The following CUX1 variants were observed in gnomAD, a reference collection of about 807,000 sequenced individuals.
CUX1 encodes the protein protein CASP.
A neutral mutation model predicts 158.8 loss-of-function variants in CUX1; 31 were observed. That is an observed-to-expected ratio of 0.20 (90% CI 0.15 to 0.26). The LOEUF is 0.26. Ranked by LOEUF, CUX1 falls within the 10% of genes least tolerant of loss-of-function variation. The pLI, the probability that CUX1 is intolerant of heterozygous loss-of-function variation, is 1.00. For synonymous variants in CUX1, 879 were observed against 862.1 expected, an observed-to-expected ratio of 1.02 and a Z score of -0.34; for missense variants, 1,589 against 2,014.6, an observed-to-expected ratio of 0.79 and a Z score of 4.04.
chr7:101,882,392 G>A (rs999376447), intron 1 of CUX1, among the ~76,000 whole-genome samples: 3 of 152,056 alleles, frequency 2.0e-5, no homozygotes, highest in Non-Finnish European at 4.4e-5. Context: ...GTTGGCAAAA[G>A]TGTCTCTTCA....
At chr7:102,020,881 GA>G (rs398067126) in intron 2 of CUX1, among the ~76,000 whole-genome samples, 1,385 of 130,458 alleles carry the variant, frequency 0.011, 8 homozygotes, top group African/African-American at 0.026. Context: ...ACTCGGTTTG[GA>G]AAAAAAAAAA....
intron 2 of CUX1, among the ~76,000 whole-genome samples, chr7:101,987,609 G>T (rs562461227): frequency 4.6e-5 from 7 of 152,224 alleles, no homozygotes; most frequent in African/African-American, 1.7e-4. Context: ...CTGACTCACC[G>T]CCTGTTCTCC....
intron 3 of CUX1, among the ~76,000 whole-genome samples, chr7:102,045,081 G>A (rs1465052257): frequency 6.6e-6 from 1 of 152,192 alleles, no homozygotes; most frequent in African/African-American, 2.4e-5. Flanking sequence ...AAACCCGCAA[G>A]CCTGACACAC....
At chr7:101,842,160 A>G (rs1384094984) in intron 1 of CUX1, among the ~76,000 whole-genome samples, 1 of 152,202 alleles carries the variant, frequency 6.6e-6, no homozygotes, top group Admixed American at 6.5e-5. Context: ...CATAGTTCAC[A>G]TAATCCTGGT....
chr7:101,981,643 C>T (rs922627158), intron 2 of CUX1, among the ~76,000 whole-genome samples: 37 of 151,672 alleles, frequency 2.4e-4, no homozygotes, highest in African/African-American at 4.4e-4. Flanking sequence ...GACGGAGTCT[C>T]GCTCTGTCGC....
At chr7:101,966,282 G>A (rs562299978) in intron 2 of CUX1, among the ~76,000 whole-genome samples, 29 of 151,190 alleles carry the variant, frequency 1.9e-4, no homozygotes, top group Non-Finnish European at 2.9e-4. Context: ...CCCAGGCCCC[G>A]GATTATAGTG....
intron 20 of CUX1, among the ~76,000 whole-genome samples, chr7:102,219,606 A>G (rs1380821627): frequency 3.3e-5 from 5 of 152,210 alleles, no homozygotes; most frequent in Admixed American, 3.3e-4. Flanking sequence ...CTTCTTGGAA[A>G]GAAAGCCATT....
chr7:102,016,579 T>C (rs10249047), intron 2 of CUX1, among the ~76,000 whole-genome samples: 64,458 of 152,088 alleles, frequency 0.42, 14,293 homozygotes, highest in Non-Finnish European at 0.46. Flanking sequence ...ACCCCTGCAC[T>C]CCAGCCTGGA....
Position 102,255,226 on chromosome 7 carries a change from C to A in CUX1, c.*6184C>A. The stretch of plus-strand genomic sequence containing the variant: ...CTGCCCAGGCCTCTCCCACCACCAC[C>A]TTCCCTCCAAAGATAACCGTGTCCA... On this transcript the variant is annotated 3_prime_UTR_variant, in exon 24 of 24. Coordinates refer to ENST00000292535, the MANE Select transcript of CUX1 (RefSeq NM_181552.4). The A allele has an allele frequency of 1.0e-6, 1 of 985,488 alleles. No homozygotes were observed. Among genetic ancestry groups the A allele is most frequent in the Non-Finnish European group, 1.2e-6 (1 of 829,968 alleles). 61.0% of individuals were successfully genotyped at this position (985,488 alleles called of 1,614,324 possible). A position where few individuals can be genotyped will look rare whatever the true frequency, so the allele number is the denominator to read the frequency against.
At position 101,869,765 on chromosome 7, in the gene CUX1, G is replaced by T. The variant is rs112219825; in HGVS notation, c.31-46350G>T. Among the ~76,000 whole-genome samples the T allele has an allele frequency of 6.6e-6, 1 of 152,152 alleles. No homozygotes were observed. Among genetic ancestry groups the T allele is most frequent in the African/African-American group, 2.4e-5 (1 of 41,424 alleles). ...CAGAGGAAGCGCAGGGGAGGCGCAG[G>T]GGAGGCCAGGCTCTGGCATTTCCCA... On this transcript the variant is annotated intron_variant, in intron 1 of 23. Coordinates refer to ENST00000292535, the MANE Select transcript of CUX1 (RefSeq NM_181552.4). This position sits in a 1 kb window ranked among gnomAD's most constrained non-coding sequence, Gnocchi z 4.5.
intron 8 of CUX1, among the ~76,000 whole-genome samples, chr7:102,136,490 C>G: frequency 6.6e-6 from 1 of 152,012 alleles, no homozygotes; most frequent in East Asian, 1.9e-4. Context: ...CTCCCAGGTT[C>G]AAGCAATTCT....
chr7:102,168,932 TATTTTC>T (rs782507333), intron 9 of CUX1, among the ~76,000 whole-genome samples: 21,709 of 99,358 alleles, frequency 0.22, 3,145 homozygotes, highest in African/African-American at 0.26. Flanking sequence ...TCTTTTCTTT[TATTTTC>T]TTTTTTTTTT....
chr7:102,248,306 C>A lies in CUX1; in HGVS notation c.3888-106C>A. On this transcript the variant is annotated intron_variant, in intron 23 of 23. Transcript: ENST00000292535. This position sits in a 1 kb window ranked among gnomAD's most constrained non-coding sequence, Gnocchi z 5.8. ...GGAGGGGCACGGAGGGGCCTCCAGG[C>A]TGGACGGAGCAGGAGCCCCAGAGAG... The A allele has an allele frequency of 9.0e-7, 1 of 1,106,034 alleles. No individual in the cohort carries two copies. Among genetic ancestry groups the A allele is most frequent in the Non-Finnish European group, 1.2e-6 (1 of 802,876 alleles). 68.5% of individuals were successfully genotyped at this position (1,106,034 alleles called of 1,614,324 possible).
At chr7:101,954,309 C>G (rs1462437429) in intron 2 of CUX1, among the ~76,000 whole-genome samples, 1 of 152,188 alleles carries the variant, frequency 6.6e-6, no homozygotes, top group South Asian at 2.1e-4. Flanking sequence ...ATGATGGTGC[C>G]ACTGCACTCC....
chr7:102,077,906 T>C (rs2130702088), intron 4 of CUX1, among the ~76,000 whole-genome samples: 1 of 152,230 alleles, frequency 6.6e-6, no homozygotes, highest in East Asian at 1.9e-4. Flanking sequence ...TGAGTATGTA[T>C]TTATTTCTAC....
At chr7:102,125,956 G>A (rs1228135269) in intron 8 of CUX1, among the ~76,000 whole-genome samples, 9 of 151,894 alleles carry the variant, frequency 5.9e-5, no homozygotes. Flanking sequence ...AGCCACCCAA[G>A]TAGCTGGAAT....
intron 1 of CUX1, among the ~76,000 whole-genome samples, chr7:101,863,106 T>A (rs1797626398): frequency 6.6e-6 from 1 of 152,096 alleles, no homozygotes; most frequent in Admixed American, 6.6e-5. Flanking sequence ...CACAGATACA[T>A]CAGTGTGTAT....
intron 6 of CUX1, among the ~76,000 whole-genome samples, chr7:102,107,920 C>T (rs1002609332): frequency 3.9e-5 from 6 of 152,186 alleles, no homozygotes; most frequent in South Asian, 2.1e-4. Flanking sequence ...CCTGGGGGAG[C>T]GCGGCAGGGC....
At chr7:102,133,851 A>T (rs143293762) in intron 8 of CUX1, among the ~76,000 whole-genome samples, 1 of 152,068 alleles carries the variant, frequency 6.6e-6, no homozygotes, top group Admixed American at 6.6e-5. Context: ...AAGCCCCCAC[A>T]CCGGGGTAAT....
Sources: allele counts gnomAD v4.1 joint callset (sites outside exome capture counted in the v4.1 genomes callset), GRCh38; gene constraint gnomAD v4.1.1; non-coding constraint Gnocchi (gnomAD v3.1); transcripts MANE v1.5; gene names NCBI Gene and HGNC (gene_info 2026-07-23, HGNC 2026-07-21).